CRTC3: variants seen among roughly 807,000 people sequenced by gnomAD.
The protein encoded by CRTC3 is CREB-regulated transcription coactivator 3.
In CRTC3, 26 loss-of-function variants were observed where a neutral mutation model predicts 74.5. The ratio of observed to expected loss-of-function variants is 0.35; its 90% CI spans 0.26 to 0.48. The LOEUF (loss-of-function observed/expected upper bound fraction) is 0.48, where lower values mean the gene tolerates loss of function less well. CRTC3 is among the 20% of genes least tolerant of loss of function. The pLI is 0.99. For synonymous variants in CRTC3, 377 were observed against 325.8 expected (o/e 1.16, Z -1.69); for missense variants, 760 against 787.3 (o/e 0.97, Z 0.41).
chr15:90,545,582 T>A (rs1443745476), intron 2 of CRTC3, among the ~76,000 whole-genome samples: 1 of 151,294 alleles, frequency 6.6e-6, no homozygotes, highest in Non-Finnish European at 1.5e-5. Context: ...GTTTGTTTTT[T>A]TTTTTTACTT....
At chr15:90,633,562 C>T (rs941902664) in intron 11 of CRTC3, among the ~76,000 whole-genome samples, 2 of 152,124 alleles carry the variant, frequency 1.3e-5, no homozygotes, top group Non-Finnish European at 2.9e-5. Context: ...TTTTTGTCCC[C>T]AGTGTTCTGA....
At chr15:90,563,122 C>T (rs868203268) in intron 2 of CRTC3, among the ~76,000 whole-genome samples, 6 of 152,036 alleles carry the variant, frequency 3.9e-5, no homozygotes, top group South Asian at 4.2e-4. Context: ...AAAAGTTAAA[C>T]GGGCTGGGCA....
At chr15:90,602,918 GA>G (rs1404557186) in intron 4 of CRTC3, among the ~76,000 whole-genome samples, 1 of 152,016 alleles carries the variant, frequency 6.6e-6, no homozygotes, top group Non-Finnish European at 1.5e-5. Flanking sequence ...AGGTTGCAGT[GA>G]GCTGAGATCA....
intron 3 of CRTC3, chr15:90,594,641 C>T (rs908231273): frequency 2.0e-5 from 3 of 152,222 alleles, no homozygotes; most frequent in Admixed American, 2.0e-4. Context: ...CTCATGTTTA[C>T]TGAGCACCTA....
rs144212161 is a variant in CRTC3 at position 90,635,119 on chromosome 15, T to C, written c.1267-3327T>C. On this transcript the variant is annotated intron_variant, in intron 11 of 14. Transcript: ENST00000268184. ...TCTTTCATCATGTAAATAATTTCCA[T>C]ATTTCTTATAATAAACTAATGATAA... 8.0e-3 allele frequency: 5,090 copies of C among 633,798 alleles called. 117 individuals carry two copies. The highest frequency in any genetic ancestry group is 0.07 in the East Asian group (2,574 of 36,822). 39.3% of individuals were successfully genotyped at this position (633,798 alleles called of 1,614,324 possible). A position where few individuals can be genotyped will look rare whatever the true frequency, so the allele number is the denominator to read the frequency against.
chr15:90,584,053 G>C (rs868078281), intron 2 of CRTC3, among the ~76,000 whole-genome samples: 3 of 152,036 alleles, frequency 2.0e-5, no homozygotes, highest in Non-Finnish European at 2.9e-5. Flanking sequence ...TGCCTAGAAT[G>C]ATCTCCAGCT....
In CRTC3 at chr15:90,585,171, G is replaced by T. The variant is rs76626649; in HGVS notation, c.232-8465G>T. 3.1e-3 allele frequency among the ~76,000 whole-genome samples: 478 copies of T among 152,186 alleles called. 2 individuals carry two copies. Among genetic ancestry groups the T allele is most frequent in the African/African-American group, 0.011 (446 of 41,526 alleles). On this transcript the variant is annotated intron_variant, in intron 2 of 14. Transcript: ENST00000268184. ...CATTTTTCTTTTTTGAAACAACAAG[G>T]TCTCGCTCTGTGCCCCAGGCTGGAG...
intron 7 of CRTC3, among the ~76,000 whole-genome samples, chr15:90,617,249 C>T (rs1224941629): frequency 2.0e-5 from 3 of 152,146 alleles, no homozygotes; most frequent in African/African-American, 7.2e-5. Context: ...ATCATACCCT[C>T]GGCTCTCTCG....
Position 90,642,040 on chromosome 15 carries a change from T to A in CRTC3, c.1760T>A (p.Ile587Asn). The change falls in exon 15 of 15, where the codon ATT becomes AAT. Residue 587 changes from isoleucine to asparagine, a missense_variant. Physicochemically the swap from Ile to Asn is moderately radical, Grantham distance 149 (BLOSUM62 -3). Transcript: ENST00000268184. ...TPFPLEEELQ[I>N]EPLSLDGLNM... The stretch of plus-strand genomic sequence containing the variant: ...TTTCCACTGGAAGAGGAGCTGCAGA[T>A]TGAACCCCTGAGCCTGGACGGACTC... 6.2e-7 allele frequency: 1 copy of A among 1,613,978 alleles called. No individual in the cohort carries two copies. The highest frequency in any genetic ancestry group is 8.5e-7 in the Non-Finnish European group (1 of 1,180,006).
rs576228681 is a variant in CRTC3 at position 90,640,001 on chromosome 15, A to C, written c.1549-1096A>C. 1.6e-4 allele frequency among the ~76,000 whole-genome samples: 24 copies of C among 152,118 alleles called. No homozygotes were observed. The East Asian group carries it at 4.5e-3, about 29-fold the overall frequency. On this transcript the variant is annotated intron_variant, in intron 13 of 14. Transcript: ENST00000268184. ...GAGGCGGAGCTTGCAGTGAGCTGAG[A>C]TCGCACCACTGCACTTCAGTCTGGA... is the stretch of plus-strand genomic sequence containing the variant.
rs768053128 is a variant in CRTC3 at position 90,542,241 on chromosome 15, C to T, written c.231+2104C>T. Among the ~76,000 whole-genome samples the T allele has an allele frequency of 6.6e-5, 10 of 150,770 alleles. No homozygotes were observed. The East Asian group carries it at 7.8e-4, about 12-fold the overall frequency. On this transcript the variant is annotated intron_variant, in intron 2 of 14. Transcript: ENST00000268184. ...TCGCCTAGGCTGGAGTGCAATAGCGCGATCTCAGCTTACTGCAACTTCCAG... is the reference window on the plus strand; with the variant it reads ...TCGCCTAGGCTGGAGTGCAATAGCGTGATCTCAGCTTACTGCAACTTCCAG...
At chr15:90,619,870 ACT>A in intron 9 of CRTC3, 80 bp downstream of exon 9, 2 of 1,191,734 alleles carry the variant, frequency 1.7e-6, no homozygotes, top group Admixed American at 3.9e-5. Flanking sequence ...TTGTTACAGA[ACT>A]CTCAGAAACG....
At chr15:90,610,207 T>G (rs1968324772) in intron 6 of CRTC3, among the ~76,000 whole-genome samples, 1 of 152,212 alleles carries the variant, frequency 6.6e-6, no homozygotes, top group Non-Finnish European at 1.5e-5. Flanking sequence ...AACTATCAAC[T>G]GGCTTTGCAA....
At chr15:90,599,267 C>T (rs1457752553) in intron 3 of CRTC3, 4 of 152,150 alleles carry the variant, frequency 2.6e-5, no homozygotes, top group Non-Finnish European at 5.9e-5. Flanking sequence ...CTAAGCTTAA[C>T]TAAGGAAGCA....
At chr15:90,547,096 T>G (rs187311307) in intron 2 of CRTC3, among the ~76,000 whole-genome samples, 55 of 152,334 alleles carry the variant, frequency 3.6e-4, no homozygotes, top group African/African-American at 1.3e-3. Flanking sequence ...CCTTTTATTT[T>G]TATTATATTG....
At chr15:90,536,556 C>T (rs1966722846) in intron 1 of CRTC3, among the ~76,000 whole-genome samples, 1 of 151,734 alleles carries the variant, frequency 6.6e-6, no homozygotes, top group African/African-American at 2.4e-5. Flanking sequence ...TTAGAATTAT[C>T]TTGTCAATGT....
At chr15:90,599,889 G>A (rs1342502442) in intron 3 of CRTC3, among the ~76,000 whole-genome samples, 4 of 152,198 alleles carry the variant, frequency 2.6e-5, no homozygotes, top group African/African-American at 7.2e-5. Flanking sequence ...GAAATTAAGC[G>A]TTTCTGAACA....
chr15:90,612,293 C>G (rs1472513811), intron 6 of CRTC3, among the ~76,000 whole-genome samples: 3 of 151,878 alleles, frequency 2.0e-5, no homozygotes, highest in Non-Finnish European at 4.4e-5. Context: ...TGTGGGGATC[C>G]CATGAGATCA....
chr15:90,589,522 A>G (rs969170295), intron 2 of CRTC3, among the ~76,000 whole-genome samples: 1 of 152,112 alleles, frequency 6.6e-6, no homozygotes, highest in Non-Finnish European at 1.5e-5. Flanking sequence ...ACACCAGCTA[A>G]TTTAACAAAA....
Sources: gnomAD v4.1 joint callset for allele counts (sites outside exome capture counted in the v4.1 genomes callset) on GRCh38, gnomAD v4.1.1 for gene constraint, MANE v1.5 for transcripts, NCBI Gene and HGNC (gene_info 2026-07-23, HGNC 2026-07-21) for gene names.